Variants in TOPAZ1 observed in about 807,000 individuals in gnomAD.
The protein encoded by TOPAZ1 is protein TOPAZ1.
In TOPAZ1, 66 loss-of-function variants were observed where a neutral mutation model predicts 172.2. The ratio of observed to expected loss-of-function variants is 0.38; its 90% CI spans 0.31 to 0.47. TOPAZ1 has a LOEUF of 0.47. Ranked by LOEUF, TOPAZ1 falls within the 20% of genes least tolerant of loss-of-function variation. The probability of loss-of-function intolerance (pLI) is 0.99; values close to 1 mark genes in which losing one functional copy is unlikely to be tolerated. For missense variants in TOPAZ1, 1,822 were observed against 1,972.4 expected (o/e 0.92, Z 1.44); for synonymous variants, 681 against 683.9 (o/e 1.00, Z 0.07).
intron 18 of TOPAZ1, among the ~76,000 whole-genome samples, chr3:44,324,648 A>G (rs1700576949): frequency 1.3e-5 from 2 of 152,306 alleles, no homozygotes; most frequent in Middle Eastern, 3.4e-3. Flanking sequence ...ATTTTTAACA[A>G]CTTTATAGAA....
intron 12 of TOPAZ1, among the ~76,000 whole-genome samples, chr3:44,296,374 CTGTT>C (rs1700194020): frequency 6.6e-6 from 1 of 151,136 alleles, no homozygotes; most frequent in Non-Finnish European, 1.5e-5. Flanking sequence ...AAACAAAAAG[CTGTT>C]TGTTTGAAAA....
chr3:44,335,912 A>G (rs1402312670), downstream of TOPAZ1, among the ~76,000 whole-genome samples: 1 of 152,200 alleles, frequency 6.6e-6, no homozygotes, highest in African/African-American at 2.4e-5. Flanking sequence ...TTACCCAAAA[A>G]TGACTGAAGC....
intron 18 of TOPAZ1, among the ~76,000 whole-genome samples, chr3:44,327,920 T>C (rs1700620170): frequency 6.6e-6 from 1 of 152,000 alleles, no homozygotes; most frequent in Non-Finnish European, 1.5e-5. Flanking sequence ...AATTTTTGTA[T>C]TTTAGTAGGG....
In TOPAZ1 at chr3:44,242,170, G is replaced by A. The variant is rs1180970445; in HGVS notation, c.117G>A (p.Glu39=). 1 of 1,544,390 alleles carries A rather than the reference G, an allele frequency of 6.5e-7. No homozygotes were observed. The highest frequency in any genetic ancestry group is 2.4e-5 in the East Asian group (1 of 40,842). The change falls in exon 1 of 20, where the codon GAG becomes GAA. Residue 39 remains glutamate (E), a synonymous_variant. Transcript: ENST00000309765. ...GPGAAGGCGP[E]AGGCRENKQK... ...GCGCGGCGGGAGGCTGTGGCCCTGAGGCCGGGGGGTGCCGGGAAAATAAGC... is the reference window on the plus strand; with the variant it reads ...GCGCGGCGGGAGGCTGTGGCCCTGAAGCCGGGGGGTGCCGGGAAAATAAGC...
chr3:44,329,651 TCA>T (rs1700642590), intron 19 of TOPAZ1, among the ~76,000 whole-genome samples: 1 of 152,152 alleles, frequency 6.6e-6, no homozygotes, highest in Non-Finnish European at 1.5e-5. Context: ...ACAGAGGACT[TCA>T]TTATTTGTGG....
intron 9 of TOPAZ1, among the ~76,000 whole-genome samples, chr3:44,282,428 C>T (rs1235664964): frequency 6.6e-6 from 1 of 152,164 alleles, no homozygotes; most frequent in Non-Finnish European, 1.5e-5. Flanking sequence ...GTGCAGTTCC[C>T]TATACATGCC....
At chr3:44,251,650 C>A (rs1425839856) in intron 2 of TOPAZ1, among the ~76,000 whole-genome samples, 1 of 152,178 alleles carries the variant, frequency 6.6e-6, no homozygotes, top group Non-Finnish European at 1.5e-5. Flanking sequence ...TAAAAAATTT[C>A]TTGGTTGGGA....
intron 17 of TOPAZ1, among the ~76,000 whole-genome samples, chr3:44,321,584 A>C (rs2125705013): frequency 6.6e-6 from 1 of 152,356 alleles, no homozygotes; most frequent in South Asian, 2.1e-4. Context: ...GAAGTGAAAC[A>C]GATGCCAAGT....
intron 15 of TOPAZ1, among the ~76,000 whole-genome samples, chr3:44,307,201 T>A (rs1700346028): frequency 6.6e-6 from 1 of 152,208 alleles, no homozygotes; most frequent in African/African-American, 2.4e-5. Context: ...TTTGTATTTT[T>A]AGTAGAGACA....
chr3:44,287,704 AAAG>A, intron 10 of TOPAZ1, 40 bp from the exon 11 acceptor site: 1 of 1,152,466 alleles, frequency 8.7e-7, no homozygotes, highest in Non-Finnish European at 1.2e-6. Flanking sequence ...AGGTGTACTA[AAAG>A]AAGATCTGAA....
intron 7 of TOPAZ1, among the ~76,000 whole-genome samples, chr3:44,269,771 A>T (rs1166443195): frequency 6.6e-6 from 1 of 151,766 alleles, no homozygotes; most frequent in Non-Finnish European, 1.5e-5. Flanking sequence ...AGCTGGGATT[A>T]CAGGCGCCCA....
rs1314546062 is a variant in TOPAZ1 at position 44,244,821 on chromosome 3, G to C, written c.2315G>C (p.Ser772Thr). 1 of 1,551,588 alleles carries C rather than the reference G, an allele frequency of 6.4e-7. No homozygotes were observed. The highest frequency in any genetic ancestry group is 2.0e-5 in the Admixed American group (1 of 50,988). ...AAGAAATCCTATAGTATTTCTCCAA[G>C]CTTTACAAAGCAAGGTAACAATAGC... ...YNKKSYSISPSFTKQGNNSKP... is the reference protein window; with the variant it reads ...YNKKSYSISPTFTKQGNNSKP... Residue 772 changes from serine (S) to threonine (T), a missense_variant, in exon 2 of 20, where the codon AGC becomes ACC. Physicochemically the swap from Ser to Thr is moderately conservative, Grantham distance 58. Around this residue, in one of 2 missense-constraint regions of TOPAZ1, gnomAD observed 1,489 missense variants for 1,490.8 expected, o/e 1.00. Coordinates refer to ENST00000309765, the MANE Select transcript of TOPAZ1 (RefSeq NM_001145030.2).
chr3:44,260,943 A>G (rs186927549), intron 4 of TOPAZ1, among the ~76,000 whole-genome samples: 1 of 152,208 alleles, frequency 6.6e-6, no homozygotes, highest in East Asian at 1.9e-4. Context: ...GCCATATTTA[A>G]TATTTTCAAA....
At chr3:44,306,274 A>G (rs1700335761) in intron 14 of TOPAZ1, 52 bp from the exon 15 acceptor site, 5 of 1,216,062 alleles carry the variant, frequency 4.1e-6, no homozygotes, top group Admixed American at 4.0e-5. Flanking sequence ...TGCCTCTTCC[A>G]TCATTTTAAG....
intron 8 of TOPAZ1, among the ~76,000 whole-genome samples, chr3:44,274,736 T>A (rs1245423045): frequency 6.6e-6 from 1 of 151,990 alleles, no homozygotes. Flanking sequence ...GTATTTTTAG[T>A]AGAGACAGGG....
Position 44,247,315 on chromosome 3 carries a change from T to C in TOPAZ1, c.2765+2044T>C, listed in dbSNP as rs368069264. ...ATGGATTGCTGAATTAATATATTTC[T>C]TTACCACAAGAAATTAGTTTCTTGA... On this transcript the variant is annotated intron_variant, in intron 2 of 19. Coordinates refer to ENST00000309765, the MANE Select transcript of TOPAZ1 (RefSeq NM_001145030.2). 4.3e-4 allele frequency among the ~76,000 whole-genome samples: 65 copies of C among 152,334 alleles called. 1 individual carries two copies. In the East Asian group the frequency reaches 0.012, roughly 28 times the overall value.
intron 14 of TOPAZ1, 70 bp downstream of exon 14, chr3:44,305,391 A>G: frequency 3.0e-6 from 4 of 1,327,982 alleles, no homozygotes; most frequent in South Asian, 1.6e-5. Context: ...TTTTTTAGAG[A>G]CAGGGTCTTC....
chr3:44,275,804 T>A (rs184552024), intron 8 of TOPAZ1, among the ~76,000 whole-genome samples: 1 of 152,246 alleles, frequency 6.6e-6, no homozygotes, highest in Non-Finnish European at 1.5e-5. Flanking sequence ...TGCGCTAATT[T>A]ACATTCCCAC....
intron 18 of TOPAZ1, among the ~76,000 whole-genome samples, chr3:44,326,583 A>T (rs138637888): frequency 1.3e-5 from 2 of 152,246 alleles, no homozygotes; most frequent in Admixed American, 6.5e-5. Context: ...CCCTTGTCAG[A>T]TATATGAATT....
Sources: allele counts gnomAD v4.1 joint callset (sites outside exome capture counted in the v4.1 genomes callset), GRCh38; gene constraint gnomAD v4.1.1; regional missense constraint gnomAD v4.1.1; transcripts MANE v1.5; gene names NCBI Gene and HGNC (gene_info 2026-07-23, HGNC 2026-07-21).